ST3GAL6: variants seen among roughly 807,000 people sequenced by gnomAD.
ST3GAL6 encodes type 2 lactosamine alpha-2,3-sialyltransferase.
Under a neutral mutation model 40.5 loss-of-function variants are expected in ST3GAL6, and 31 were observed. The ratio of observed to expected loss-of-function variants is 0.77; its 90% CI spans 0.58 to 1.03. The LOEUF is 1.03. Ranked by LOEUF, ST3GAL6 falls within the 50% of genes least tolerant of loss-of-function variation. The pLI is 0.00. For synonymous variants in ST3GAL6, 129 were observed against 136.9 expected, an observed-to-expected ratio of 0.94 and a Z score of 0.40; for missense variants, 357 against 393.2, an observed-to-expected ratio of 0.91 and a Z score of 0.78.
chr3:98,732,758 T>C, intron 1 of ST3GAL6: 1 of 1,183,692 alleles, frequency 8.4e-7, no homozygotes. Context: ...GGCTGCTCCC[T>C]CCTCTGCTCC....
Position 98,788,456 on chromosome 3 carries a change from A to G in ST3GAL6, c.749A>G (p.Lys250Arg), listed in dbSNP as rs1386694408. ...ELLHFPKVFP[K>R]NQKPKHPTTG... The stretch of plus-strand genomic sequence containing the variant: ...CTTCATTTTCCAAAAGTGTTTCCCA[A>G]AAATCAGGTATGTATTTATCTCTGC... The change falls in exon 8 of 10, where the codon AAA (lysine) becomes AGA (arginine). Residue 250 changes from lysine (K) to arginine (R), a missense_variant. Lys to Arg is a conservative substitution (Grantham distance 26). Coordinates refer to ENST00000483910, the MANE Select transcript of ST3GAL6 (RefSeq NM_001323368.2). 6.2e-7 allele frequency: 1 copy of G among 1,608,030 alleles called. No individual in the cohort carries two copies. Among genetic ancestry groups the G allele is most frequent in the Non-Finnish European group, 8.5e-7 (1 of 1,177,806 alleles).
At chr3:98,741,050 C>CTGTG (rs748180004) in intron 1 of ST3GAL6, among the ~76,000 whole-genome samples, 1 of 78,842 alleles carries the variant, frequency 1.3e-5, no homozygotes, top group Admixed American at 1.5e-4. Context: ...TAGAGGGATT[C>CTGTG]AGTGTGTGTG....
Position 98,793,965 on chromosome 3 carries a change from A to ATAAG in ST3GAL6, c.*206_*209dup. 2.7e-6 allele frequency: 1 copy of ATAAG among 376,970 alleles called. No homozygotes were observed. Among genetic ancestry groups the ATAAG allele is most frequent in the Non-Finnish European group, 4.7e-6 (1 of 211,692 alleles). 23.4% of individuals were successfully genotyped at this position (376,970 alleles called of 1,614,324 possible). ...CAAGAAATGTAAAGATAACAGGAAA[A>ATAAG]TAAGTTTTGATTGCATTGTTTTTAA... On this transcript the variant is annotated 3_prime_UTR_variant, in exon 10 of 10. Coordinates refer to ENST00000483910, the MANE Select transcript of ST3GAL6 (RefSeq NM_001323368.2).
At chr3:98,736,540 G>T (rs922949203) in intron 1 of ST3GAL6, among the ~76,000 whole-genome samples, 1 of 152,080 alleles carries the variant, frequency 6.6e-6, no homozygotes, top group African/African-American at 2.4e-5. Flanking sequence ...TATGGCTGTG[G>T]GTCAGAGTCA....
intron 1 of ST3GAL6, among the ~76,000 whole-genome samples, chr3:98,753,983 ATGT>A (rs1194919528): frequency 6.6e-6 from 1 of 152,220 alleles, no homozygotes; most frequent in Non-Finnish European, 1.5e-5. Context: ...GAGGAGTTTA[ATGT>A]TGTTTTCATG....
At chr3:98,786,162 T>G (rs1262143601) in intron 6 of ST3GAL6, among the ~76,000 whole-genome samples, 1 of 152,094 alleles carries the variant, frequency 6.6e-6, no homozygotes, top group Admixed American at 6.6e-5. Context: ...GTTAAAATCT[T>G]GATGGTGTGT....
chr3:98,762,761 A>C (rs181581529), upstream of ST3GAL6: 307 of 984,390 alleles, frequency 3.1e-4, no homozygotes, highest in Admixed American at 9.2e-4. Context: ...CCACAATTTC[A>C]AAGTGTGGGC....
chr3:98,748,548 C>T (rs1226021853), intron 1 of ST3GAL6, among the ~76,000 whole-genome samples: 2 of 152,204 alleles, frequency 1.3e-5, no homozygotes, highest in East Asian at 1.9e-4. Flanking sequence ...TCACTGCAAC[C>T]TCCGCCTCCG....
rs192960440 is a variant in ST3GAL6, at chr3:98,777,410, C to T, written c.335+3427C>T. ...AGGGCTTTGCCCATTCATACTCCTCCCCCTCCCCCAGAACTGATTGTTAAA... is the reference window on the plus strand; with the variant it reads ...AGGGCTTTGCCCATTCATACTCCTCTCCCTCCCCCAGAACTGATTGTTAAA... On this transcript the variant is annotated intron_variant, in intron 5 of 9. Coordinates refer to ENST00000483910, the MANE Select transcript of ST3GAL6 (RefSeq NM_001323368.2). Among the ~76,000 whole-genome samples, 276 of 152,334 alleles carry T rather than the reference C, an allele frequency of 1.8e-3. 1 individual carries two copies. The highest frequency in any genetic ancestry group is 6.4e-3 in the African/African-American group (266 of 41,574).
At position 98,734,228 on chromosome 3, in the gene ST3GAL6, G is replaced by T. The variant is rs572213573; in HGVS notation, c.-12+1696G>T. 4.6e-5 allele frequency among the ~76,000 whole-genome samples: 7 copies of T among 152,304 alleles called. 1 individual carries two copies. The highest frequency in any genetic ancestry group is 7.4e-5 in the Non-Finnish European group (5 of 68,020). ...ATATTTGGGAACATCTGCTCAGGCTGCCAGGTTATTTTCCGTTTGAAAGCA... is the reference window on the plus strand; with the variant it reads ...ATATTTGGGAACATCTGCTCAGGCTTCCAGGTTATTTTCCGTTTGAAAGCA... On this transcript the variant is annotated intron_variant, in intron 1 of 9. Transcript: ENST00000265261.
intron 1 of ST3GAL6, among the ~76,000 whole-genome samples, chr3:98,744,551 G>C (rs758833089): frequency 1.3e-5 from 2 of 152,100 alleles, no homozygotes; most frequent in African/African-American, 2.4e-5. Flanking sequence ...TTCATTTCTT[G>C]ACTCTGCTCT....
chr3:98,768,506 A>G lies in ST3GAL6; in HGVS notation c.66A>G (p.Ile22Met). ...AVFLYYVLHC[I>M]LWGTNVYWVA... ...TCCTCTATTATGTACTGCATTGCAT[A>G]TTATGGGGAACGAATGTCTATTGGT... Residue 22 changes from isoleucine (I) to methionine (M), a missense_variant, in exon 2 of 10, where the codon ATA (isoleucine) becomes ATG (methionine). By Grantham distance (10) the Ile-to-Met change is conservative. Transcript: ENST00000483910. 1 of 1,612,254 alleles carries G rather than the reference A, an allele frequency of 6.2e-7. No individual in the cohort carries two copies. The highest frequency in any genetic ancestry group is 1.1e-5 in the South Asian group (1 of 90,900).
At chr3:98,791,803 C>CT in intron 8 of ST3GAL6, 38 bp from the exon 9 acceptor site, 2 of 1,581,578 alleles carry the variant, frequency 1.3e-6, no homozygotes, top group Non-Finnish European at 1.7e-6. Flanking sequence ...CAAGTAGCTC[C>CT]TTTTGCTTAA....
rs545819635 is a variant in ST3GAL6 at position 98,766,999 on chromosome 3, A to G, written c.-11-1431A>G. Among the ~76,000 whole-genome samples, 3 of 152,318 alleles carry G rather than the reference A, an allele frequency of 2.0e-5. No individual in the cohort carries two copies. In the East Asian group the frequency reaches 5.8e-4, roughly 29 times the overall value. ...CTCTTCACAGGGATTATGTATACCT[A>G]ATTAGAAGTATGTGTGAACTAAAGT... On this transcript the variant is annotated intron_variant, in intron 1 of 9. Transcript: ENST00000483910.
intron 1 of ST3GAL6, chr3:98,756,520 C>CA (rs1021241237): frequency 4.8e-5 from 61 of 1,269,712 alleles, no homozygotes; most frequent in Non-Finnish European, 5.8e-5. Context: ...GTCTTTAGGA[C>CA]ACAGATTCTT....
Position 98,794,383 on chromosome 3 carries a change from C to CTTTCTTTAGTT in ST3GAL6, c.*622_*623insTTTCTTTAGTT, listed in dbSNP as rs1941442877. 1 of 151,826 alleles carries CTTTCTTTAGTT rather than the reference C, an allele frequency of 6.6e-6. No homozygotes were observed. Among genetic ancestry groups the CTTTCTTTAGTT allele is most frequent in the Non-Finnish European group, 1.5e-5 (1 of 67,988 alleles). 9.4% of individuals were successfully genotyped at this position (151,826 alleles called of 1,614,324 possible). ...TAAGTAAATAACTAAAGAAAGAATA[C>CTTTCTTTAGTT]AATTACTAAACTCTGATGGCTTTGT... On this transcript the variant is annotated 3_prime_UTR_variant, in exon 10 of 10. Coordinates refer to ENST00000483910, the MANE Select transcript of ST3GAL6 (RefSeq NM_001323368.2).
At chr3:98,743,964 A>T (rs573326586) in intron 1 of ST3GAL6, among the ~76,000 whole-genome samples, 17 of 140,594 alleles carry the variant, frequency 1.2e-4, no homozygotes, top group Admixed American at 2.4e-4. Context: ...TTGTGACCTT[A>T]TTTGGAAATA....
chr3:98,763,428 A>G lies in ST3GAL6; in HGVS notation c.-23A>G, dbSNP rs1937995339. The G allele has an allele frequency of 7.8e-7, 1 of 1,289,626 alleles. No homozygotes were observed. Among genetic ancestry groups the G allele is most frequent in the African/African-American group, 1.5e-5 (1 of 65,834 alleles). 79.9% of individuals were successfully genotyped at this position (1,289,626 alleles called of 1,614,324 possible). A position where few individuals can be genotyped will look rare whatever the true frequency, so the allele number is the denominator to read the frequency against. Reference sequence around the variant, plus strand: ...ACAGGTGTCAGCAGGGCCACCTGGTAAAGGTATGGAGGTGAGCCATGAACA... The same window carrying G: ...ACAGGTGTCAGCAGGGCCACCTGGTGAAGGTATGGAGGTGAGCCATGAACA... On this transcript the variant is annotated 5_prime_UTR_variant, in exon 1 of 10. An upstream open reading frame in the 5' UTR loses its in-frame stop. Coordinates refer to ENST00000483910, the MANE Select transcript of ST3GAL6 (RefSeq NM_001323368.2).
At chr3:98,773,076 A>G (rs1939164413) in intron 4 of ST3GAL6, 160 bp downstream of exon 4, 2 of 505,422 alleles carry the variant, frequency 4.0e-6, no homozygotes, top group African/African-American at 3.9e-5. Context: ...ATTTTAAAAT[A>G]TAAATTATCA....
Sources: allele counts gnomAD v4.1 joint callset (sites outside exome capture counted in the v4.1 genomes callset), GRCh38; gene constraint gnomAD v4.1.1; transcripts MANE v1.5; gene names NCBI Gene and HGNC (gene_info 2026-07-23, HGNC 2026-07-21).